Variants in FHDC1 observed in about 807,000 individuals in gnomAD.
FHDC1 encodes FH2 domain-containing protein 1.
A neutral mutation model predicts 52.6 loss-of-function variants in FHDC1; 25 were observed. The observed-to-expected ratio is 0.48, with a 90% CI of 0.35 to 0.66. The LOEUF is 0.66. FHDC1 is among the 30% of genes least tolerant of loss of function. The pLI is 0.01. For missense variants in FHDC1, 1,459 were observed against 1,452.8 expected (o/e 1.00, Z -0.07); for synonymous variants, 616 against 581.5 (o/e 1.06, Z -0.85).
chr4:152,937,768 C>T (rs1343597016), intron 1 of FHDC1, among the ~76,000 whole-genome samples: 2 of 152,208 alleles, frequency 1.3e-5, no homozygotes, highest in African/African-American at 2.4e-5. Context: ...CTGATAAGGA[C>T]GCAGCTGGGG....
chr4:152,968,204 T>C (rs1026130291), intron 10 of FHDC1, 107 bp downstream of exon 10: 7 of 762,304 alleles, frequency 9.2e-6, no homozygotes, highest in African/African-American at 1.7e-5. Flanking sequence ...TTCCCATTCA[T>C]ATTTTTTTTC....
chr4:152,960,068 GA>G (rs1740229820), intron 4 of FHDC1, among the ~76,000 whole-genome samples: 1 of 152,144 alleles, frequency 6.6e-6, no homozygotes, highest in Non-Finnish European at 1.5e-5. Flanking sequence ...ACCACTGAAA[GA>G]AAATCTGTGT....
intron 1 of FHDC1, 42 bp from the exon 2 acceptor site, chr4:152,942,886 T>G: frequency 1.5e-6 from 1 of 669,972 alleles, no homozygotes; most frequent in Non-Finnish European, 2.4e-6. Flanking sequence ...GATGCGAAAC[T>G]GTTTGTCTGT....
chr4:152,970,093 G>GA (rs1285818452), intron 10 of FHDC1, among the ~76,000 whole-genome samples: 1 of 152,208 alleles, frequency 6.6e-6, no homozygotes, highest in African/African-American at 2.4e-5. Context: ...TCAGGTCTCT[G>GA]AACACCAGTC....
intron 9 of FHDC1, among the ~76,000 whole-genome samples, chr4:152,967,408 CAG>C (rs1740497484): frequency 6.6e-6 from 1 of 151,692 alleles, no homozygotes; most frequent in Non-Finnish European, 1.5e-5. Context: ...GCCTGAGTGA[CAG>C]AGGGAGATTG....
intron 6 of FHDC1, among the ~76,000 whole-genome samples, chr4:152,962,408 A>G (rs1740306047): frequency 6.6e-6 from 1 of 152,212 alleles, no homozygotes; most frequent in African/African-American, 2.4e-5. Flanking sequence ...TTCATATTCC[A>G]TAAATGCGGT....
At chr4:152,955,162 G>A (rs1317847953) in intron 4 of FHDC1, among the ~76,000 whole-genome samples, 1 of 152,054 alleles carries the variant, frequency 6.6e-6, no homozygotes, top group African/African-American at 2.4e-5. Context: ...TTTTGGGGAG[G>A]TAGGTAAACT....
chr4:152,976,174 CAGCGGCTCCAGCAGCACCCGT>C lies in FHDC1; in HGVS notation c.2884_2904del (p.Ser962_Arg968del). ...AAGAGCAGAGGCTGCCGCGGGGGAG[CAGCGGCTCCAGCAGCACCCGT>C]CCGGGGAGGGACGTTCCCCTGCAGC... On this transcript the variant is annotated inframe_deletion, in exon 12 of 12. Transcript: ENST00000511601. The C allele has an allele frequency of 6.2e-7, 1 of 1,611,958 alleles. No homozygotes were observed.
chr4:152,953,422 C>G, intron 2 of FHDC1, 77 bp from the exon 3 acceptor site: 1 of 1,148,318 alleles, frequency 8.7e-7, no homozygotes, highest in Admixed American at 2.0e-5. Flanking sequence ...GCATTTTGAT[C>G]GGTTTTAATT....
intron 4 of FHDC1, among the ~76,000 whole-genome samples, chr4:152,960,272 T>C (rs1740237462): frequency 6.6e-6 from 1 of 152,208 alleles, no homozygotes; most frequent in Admixed American, 6.5e-5. Context: ...CCCTCCCTTT[T>C]GTAACCTTCC....
chr4:152,923,368 G>C, the FHDC1 span, among the ~76,000 whole-genome samples: 2,812 of 152,208 alleles, frequency 0.018, 34 homozygotes, highest in Non-Finnish European at 0.031. Context: ...AGAATACAAA[G>C]AAATGGAAGA....
rs58783965 is a variant in FHDC1, at chr4:152,963,769, G to GTTTTTTTTTTT, written c.1029+663_1029+673dup. 3.3e-4 allele frequency among the ~76,000 whole-genome samples: 17 copies of GTTTTTTTTTTT among 51,802 alleles called. 2 individuals carry two copies. The highest frequency in any genetic ancestry group is 1.2e-3 in the East Asian group (2 of 1,730). 34.0% of individuals were successfully genotyped at this position (51,802 alleles called of 152,430 possible). On this transcript the variant is annotated intron_variant, in intron 8 of 11. Coordinates refer to ENST00000511601, the MANE Select transcript of FHDC1 (RefSeq NM_001371116.1). ...GGAGTCTGATCCTATCCATTGCTTT[G>GTTTTTTTTTTT]TTTTTTTTTTTTTTTTTTTTTTTTT...
the FHDC1 span, among the ~76,000 whole-genome samples, chr4:152,926,621 C>T: frequency 2.7e-5 from 4 of 150,636 alleles, no homozygotes; most frequent in Non-Finnish European, 5.9e-5. Flanking sequence ...GTAACTGAAG[C>T]CCTTTAGGTA....
Position 152,975,684 on chromosome 4 carries a change from C to T in FHDC1, c.2393C>T (p.Pro798Leu), listed in dbSNP as rs1297175605. The change falls in exon 12 of 12, where the codon CCG becomes CTG. Residue 798 changes from proline (P) to leucine (L), a missense_variant. This residue lies in a region of FHDC1 where 939 missense variants were observed against 854.5 expected (regional missense o/e 1.10). Coordinates refer to ENST00000511601, the MANE Select transcript of FHDC1 (RefSeq NM_001371116.1). Reference protein sequence around the residue: ...GTDSRPRGGDPEEGGEGDGSM... With the variant: ...GTDSRPRGGDLEEGGEGDGSM... Reference sequence around the variant, plus strand: ...GACTCCAGACCCAGAGGCGGGGACCCGGAGGAAGGCGGGGAAGGGGATGGC... The same window carrying T: ...GACTCCAGACCCAGAGGCGGGGACCTGGAGGAAGGCGGGGAAGGGGATGGC... 3.7e-6 allele frequency: 6 copies of T among 1,612,018 alleles called. No individual in the cohort carries two copies. The highest frequency in any genetic ancestry group is 2.7e-5 in the African/African-American group (2 of 74,896).
At chr4:152,928,800 A>G in the FHDC1 span, among the ~76,000 whole-genome samples, 1 of 151,938 alleles carries the variant, frequency 6.6e-6, no homozygotes, top group Non-Finnish European at 1.5e-5. Context: ...CTTGGCATGC[A>G]CTGTGAAAGC....
At chr4:152,942,885 C>T (rs1739613470) in intron 1 of FHDC1, 43 bp from the exon 2 acceptor site, 1 of 663,726 alleles carries the variant, frequency 1.5e-6, no homozygotes, top group Non-Finnish European at 2.5e-6. Context: ...TGATGCGAAA[C>T]TGTTTGTCTG....
At chr4:152,929,581 A>C in the FHDC1 span, among the ~76,000 whole-genome samples, 1 of 152,164 alleles carries the variant, frequency 6.6e-6, no homozygotes, top group Non-Finnish European at 1.5e-5. The surrounding 1 kb of genome is among the most constrained non-coding windows in gnomAD (Gnocchi z 4.1). Flanking sequence ...TCGCACCATC[A>C]AGGGACTTCT....
chr4:152,947,936 T>C (rs528691066), intron 2 of FHDC1, among the ~76,000 whole-genome samples: 15 of 152,364 alleles, frequency 9.8e-5, no homozygotes, highest in African/African-American at 3.6e-4. Context: ...TTCTCACCTT[T>C]TGTTATGATG....
At position 152,964,956 on chromosome 4, in the gene FHDC1, C is replaced by T; in HGVS notation, c.1081C>T (p.His361Tyr). The T allele has an allele frequency of 6.2e-7, 1 of 1,612,242 alleles. No homozygotes were observed. Among genetic ancestry groups the T allele is most frequent in the South Asian group, 1.1e-5 (1 of 90,378 alleles). ...TCTAAACTTTTCAGAAAAATTGCAT[C>T]ATGTTCAGAAGACTGCTAGGTGAGC... The part of the protein sequence containing the change: ...ILLNFSEKLH[H>Y]VQKTARLSLE... Residue 361 changes from histidine to tyrosine, a missense_variant, in exon 9 of 12, where the codon CAT becomes TAT. Around this residue, in one of 3 missense-constraint regions of FHDC1, gnomAD observed 513 missense variants for 581.5 expected, o/e 0.88. Transcript: ENST00000511601.
Sources: allele counts gnomAD v4.1 joint callset (sites outside exome capture counted in the v4.1 genomes callset), GRCh38; gene constraint gnomAD v4.1.1; regional missense constraint gnomAD v4.1.1; non-coding constraint Gnocchi (gnomAD v3.1); transcripts MANE v1.5; gene names NCBI Gene and HGNC (gene_info 2026-07-23, HGNC 2026-07-21).